PPP2R2D: variants seen among roughly 807,000 people sequenced by gnomAD.
PPP2R2D encodes the protein serine/threonine-protein phosphatase 2A 55 kDa regulatory subunit B delta isoform.
Under a neutral mutation model 31.1 loss-of-function variants are expected in PPP2R2D, and 9 were observed. That is an observed-to-expected ratio of 0.29 (90% CI 0.17 to 0.51). PPP2R2D has a LOEUF of 0.51. PPP2R2D is among the 20% of genes least tolerant of loss of function. The pLI is 0.98. For missense variants in PPP2R2D, 391 were observed against 465.6 expected, an observed-to-expected ratio of 0.84 and a Z score of 1.48; for synonymous variants, 179 against 172.6, an observed-to-expected ratio of 1.04 and a Z score of -0.29.
intron 2 of PPP2R2D, among the ~76,000 whole-genome samples, chr10:131,915,591 G>T (rs917299557): frequency 3.9e-5 from 6 of 152,134 alleles, no homozygotes; most frequent in African/African-American, 1.4e-4. Flanking sequence ...TGTGAAATTG[G>T]TTCATAGCCT....
downstream of PPP2R2D, among the ~76,000 whole-genome samples, chr10:131,963,492 C>T (rs1554901773): frequency 6.6e-6 from 1 of 152,228 alleles, no homozygotes; most frequent in Non-Finnish European, 1.5e-5. Flanking sequence ...CCCGTTTCTA[C>T]ACATCGGGTA....
intron 5 of PPP2R2D, among the ~76,000 whole-genome samples, chr10:131,941,552 C>CG (rs1193050558): frequency 6.6e-6 from 1 of 150,376 alleles, no homozygotes; most frequent in Non-Finnish European, 1.5e-5. Flanking sequence ...GGTTTGGTTG[C>CG]GGGGGGTGGG....
downstream of PPP2R2D, among the ~76,000 whole-genome samples, chr10:131,964,241 A>G (rs2036953180): frequency 2.6e-5 from 4 of 152,110 alleles, no homozygotes; most frequent in Admixed American, 2.6e-4. Flanking sequence ...GCGGGGACAC[A>G]ATGAGAATAT....
chr10:131,939,805 C>T (rs1265563796), intron 3 of PPP2R2D: 2 of 307,116 alleles, frequency 6.5e-6, no homozygotes, highest in South Asian at 2.4e-4. Context: ...AGGCTGCATT[C>T]GGCAGACCTG....
Position 131,958,238 on chromosome 10 carries a change from C to A in PPP2R2D, c.*2275C>A. The A allele has an allele frequency of 5.0e-6, 1 of 199,402 alleles. No individual in the cohort carries two copies. Among genetic ancestry groups the A allele is most frequent in the African/African-American group, 2.5e-5 (1 of 40,086 alleles). 12.4% of individuals were successfully genotyped at this position (199,402 alleles called of 1,614,324 possible). A position where few individuals can be genotyped will look rare whatever the true frequency, so the allele number is the denominator to read the frequency against. On this transcript the variant is annotated 3_prime_UTR_variant, in exon 9 of 9. Coordinates refer to ENST00000455566, the MANE Select transcript of PPP2R2D (RefSeq NM_018461.5). ...GGAGATAGAGGTGTGTACTGATCCC[C>A]TGTTCCCCTATCTAGATGAAGGTGT...
chr10:131,933,901 A>C (rs1554896076), intron 2 of PPP2R2D, among the ~76,000 whole-genome samples: 1 of 152,086 alleles, frequency 6.6e-6, no homozygotes, highest in Non-Finnish European at 1.5e-5. Context: ...CAGTTGTCTC[A>C]CTTGGTAATG....
intron 8 of PPP2R2D, among the ~76,000 whole-genome samples, chr10:131,951,943 G>A (rs2036643819): frequency 6.6e-6 from 1 of 152,232 alleles, no homozygotes; most frequent in South Asian, 2.1e-4. Context: ...TTCCAGAGTG[G>A]CAACACAGTG....
chr10:131,947,750 C>T lies in PPP2R2D; in HGVS notation c.1041C>T (p.Cys347=). Reference sequence around the variant, plus strand: ...TCTGCTCTCTCTATGAGAACGACTGCATCTTTGACAAGTTTGAGTGTTGCT... The same window carrying T: ...TCTGCTCTCTCTATGAGAACGACTGTATCTTTGACAAGTTTGAGTGTTGCT... ...SKLCSLYEND[C]IFDKFECCWN... is the part of the protein sequence containing the mutation. The change falls in exon 8 of 9, where the codon TGC becomes TGT. Residue 347 remains cysteine (C), a synonymous_variant. Transcript: ENST00000455566. This position sits in a 1 kb window ranked among gnomAD's most constrained non-coding sequence, Gnocchi z 4.3. 5 of 1,614,156 alleles carry T rather than the reference C, an allele frequency of 3.1e-6. No homozygotes were observed. Among genetic ancestry groups the T allele is most frequent in the Non-Finnish European group, 4.2e-6 (5 of 1,180,024 alleles).
chr10:131,931,956 A>C (rs1309363798), intron 2 of PPP2R2D, among the ~76,000 whole-genome samples: 3 of 151,310 alleles, frequency 2.0e-5, no homozygotes, highest in African/African-American at 7.3e-5. Flanking sequence ...AGCTCTGTGA[A>C]GACTTTCTGC....
At chr10:131,917,380 CAG>C (rs2035826004) in intron 2 of PPP2R2D, among the ~76,000 whole-genome samples, 1 of 121,364 alleles carries the variant, frequency 8.2e-6, no homozygotes, top group African/African-American at 3.3e-5. Flanking sequence ...TGGAATGACA[CAG>C]TGTAGGGACC....
chr10:131,916,314 G>A (rs74367210), intron 2 of PPP2R2D, among the ~76,000 whole-genome samples: 4,740 of 148,246 alleles, frequency 0.032, 97 homozygotes, highest in South Asian at 0.048. Context: ...TGACACCCAG[G>A]TTGGCATAGA....
rs1236535029 is a variant in PPP2R2D at position 131,947,473 on chromosome 10, A to G, written c.821-57A>G. ...GGCCACTTCCTACTTGAACTTGAAA[A>G]TGATTTGTTCTCTGATTTTTAAACA... is the stretch of plus-strand genomic sequence containing the variant. On this transcript the variant is annotated intron_variant, in intron 7 of 8. Coordinates refer to ENST00000455566, the MANE Select transcript of PPP2R2D (RefSeq NM_018461.5). This position sits in a 1 kb window ranked among gnomAD's most constrained non-coding sequence, Gnocchi z 4.3. The G allele has an allele frequency of 2.6e-6, 4 of 1,560,742 alleles. No homozygotes were observed. The highest frequency in any genetic ancestry group is 1.4e-5 in the African/African-American group (1 of 73,864).
At position 131,926,679 on chromosome 10, in the gene PPP2R2D, G is replaced by A. The variant is rs529597149; in HGVS notation, c.101-7779G>A. Among the ~76,000 whole-genome samples, 369 of 152,326 alleles carry A rather than the reference G, an allele frequency of 2.4e-3. 1 individual carries two copies. The highest frequency in any genetic ancestry group is 4.4e-3 in the Non-Finnish European group (297 of 68,028). ...GCATATGTACTAAATTCTTCTCAGA[G>A]AAGTTTTATGTGAAGGAGTTGTGAT... On this transcript the variant is annotated intron_variant, in intron 2 of 8. Transcript: ENST00000455566.
intron 2 of PPP2R2D, among the ~76,000 whole-genome samples, chr10:131,930,606 C>T (rs1203926070): frequency 6.6e-6 from 1 of 152,242 alleles, no homozygotes; most frequent in Admixed American, 6.5e-5. Flanking sequence ...TTTGAGGTTT[C>T]ATCCACCATG....
At position 131,947,802 on chromosome 10, in the gene PPP2R2D, C is replaced by T. The variant is rs782742409; in HGVS notation, c.1082+11C>T. 1.2e-5 allele frequency: 19 copies of T among 1,606,612 alleles called. No individual in the cohort carries two copies. The highest frequency in any genetic ancestry group is 6.7e-5 in the African/African-American group (5 of 74,794). Reference sequence around the variant, plus strand: ...GAACGGTTCGGATAGGTAAGGCCTGCGTGGAGATGAGCTGTCGCCCCAAGC... The same window carrying T: ...GAACGGTTCGGATAGGTAAGGCCTGTGTGGAGATGAGCTGTCGCCCCAAGC... On this transcript the variant is annotated intron_variant, in intron 8 of 8. Transcript: ENST00000455566. The surrounding 1 kb of genome is among the most constrained non-coding windows in gnomAD (Gnocchi z 4.3).
intron 2 of PPP2R2D, among the ~76,000 whole-genome samples, chr10:131,902,769 G>T (rs2035521042): frequency 6.6e-6 from 1 of 152,104 alleles, no homozygotes. Context: ...GTTTTTTGGA[G>T]ACAGGGTCTC....
Position 131,945,521 on chromosome 10 carries a change from A to T in PPP2R2D, c.820+62A>T. 6.5e-7 allele frequency: 1 copy of T among 1,532,424 alleles called. No homozygotes were observed. The allele number at this position is 1,532,424 out of a possible 1,614,324, so 94.9% of individuals were successfully genotyped here. A position where few individuals can be genotyped will look rare whatever the true frequency, so the allele number is the denominator to read the frequency against. ...GTCACCCAGGCTGCGGTGCAGTGAC[A>T]CAGTCTCGGCTCACGGCAAGCTCCG... On this transcript the variant is annotated intron_variant, in intron 7 of 8. Transcript: ENST00000455566. The surrounding 1 kb of genome is among the most constrained non-coding windows in gnomAD (Gnocchi z 4.8).
chr10:131,904,238 G>A (rs1315858874), intron 2 of PPP2R2D, among the ~76,000 whole-genome samples: 10 of 147,260 alleles, frequency 6.8e-5, no homozygotes, highest in Admixed American at 1.4e-4. Flanking sequence ...ATGGCCGGGC[G>A]CAGTGGCTCA....
At chr10:131,965,593 C>T in the PPP2R2D span, among the ~76,000 whole-genome samples, 4 of 152,246 alleles carry the variant, frequency 2.6e-5, no homozygotes, top group East Asian at 3.9e-4. Flanking sequence ...ACTACAGGTA[C>T]GCCACCACAC....
Sources: gnomAD v4.1 joint callset for allele counts (sites outside exome capture counted in the v4.1 genomes callset) on GRCh38, gnomAD v4.1.1 for gene constraint, Gnocchi (gnomAD v3.1) non-coding constraint, MANE v1.5 for transcripts, NCBI Gene and HGNC (gene_info 2026-07-23, HGNC 2026-07-21) for gene names.